Variants in ADGRL3 observed in about 807,000 individuals in gnomAD.
The protein encoded by ADGRL3 is adhesion G protein-coupled receptor L3, also known as calcium-independent alpha-latrotoxin receptor 3.
ADGRL3 carries 62 observed loss-of-function variants against 153.5 expected under a neutral mutation model. The observed-to-expected ratio is 0.40, with a 90% CI of 0.33 to 0.50. The LOEUF is 0.50. Ranked by LOEUF, ADGRL3 falls within the 20% of genes least tolerant of loss-of-function variation. ADGRL3 has a pLI of 0.47. For synonymous variants in ADGRL3, 710 were observed against 672.5 expected, an observed-to-expected ratio of 1.06 and a Z score of -0.86; for missense variants, 1,641 against 1,859.4, an observed-to-expected ratio of 0.88 and a Z score of 2.16.
chr4:62,031,168 A>G (rs1039585421), intron 22 of ADGRL3, among the ~76,000 whole-genome samples: 1 of 151,634 alleles, frequency 6.6e-6, no homozygotes, highest in Non-Finnish European at 1.5e-5. Flanking sequence ...CCATTTGCAT[A>G]TGTGCTGCAA....
intron 8 of ADGRL3, among the ~76,000 whole-genome samples, chr4:61,806,332 T>C (rs1276150914): frequency 6.6e-6 from 1 of 152,028 alleles, no homozygotes; most frequent in Non-Finnish European, 1.5e-5. Context: ...AATTCTAGAA[T>C]AATTAGTGGG....
intron 6 of ADGRL3, among the ~76,000 whole-genome samples, chr4:61,709,053 C>G (rs2095910876): frequency 6.6e-6 from 1 of 152,034 alleles, no homozygotes; most frequent in South Asian, 2.1e-4. Context: ...AGGTGATCTG[C>G]CCGTCTCAGC....
At chr4:61,318,704 T>C (rs1010122120) in intron 1 of ADGRL3, among the ~76,000 whole-genome samples, 1 of 152,152 alleles carries the variant, frequency 6.6e-6, no homozygotes, top group Non-Finnish European at 1.5e-5. Flanking sequence ...GGGTAATGGC[T>C]CTGCACCACC....
chr4:61,356,574 T>C (rs1223969598), intron 1 of ADGRL3, among the ~76,000 whole-genome samples: 1 of 152,124 alleles, frequency 6.6e-6, no homozygotes, highest in Non-Finnish European at 1.5e-5. Context: ...CACTTTGTAA[T>C]ACTGCAGTGA....
At chr4:61,494,945 C>T (rs1250099777) in intron 2 of ADGRL3, among the ~76,000 whole-genome samples, 1 of 152,080 alleles carries the variant, frequency 6.6e-6, no homozygotes, top group Non-Finnish European at 1.5e-5. Flanking sequence ...GCTATAGCAC[C>T]TACCACATGC....
intron 1 of ADGRL3, among the ~76,000 whole-genome samples, chr4:61,232,191 TA>T (rs1750936333): frequency 1.3e-5 from 2 of 152,272 alleles, no homozygotes; most frequent in East Asian, 1.9e-4. Context: ...TTTAAGCTTA[TA>T]TTTTTTTATT....
At chr4:61,593,595 TTAAA>T (rs2098977957) in intron 5 of ADGRL3, among the ~76,000 whole-genome samples, 1 of 152,112 alleles carries the variant, frequency 6.6e-6, no homozygotes, top group Non-Finnish European at 1.5e-5. Flanking sequence ...TTTCAGCACT[TTAAA>T]TATGTCATGC....
intron 24 of ADGRL3, among the ~76,000 whole-genome samples, chr4:62,040,741 C>A (rs1270009575): frequency 6.6e-6 from 1 of 152,028 alleles, no homozygotes; most frequent in East Asian, 1.9e-4. Context: ...TAATAACAAA[C>A]AACCCAACAA....
chr4:61,996,332 T>C lies in ADGRL3; in HGVS notation c.3278T>C (p.Ile1093Thr), dbSNP rs1159803878. Reference protein sequence around the residue: ...RLDTYFIWSFIGPATLIIMLN... With the variant: ...RLDTYFIWSFTGPATLIIMLN... ...GACACCTACTTCATTTGGAGTTTTATAGGACCAGCAACTTTGATAATTATG... is the reference window on the plus strand; with the variant it reads ...GACACCTACTTCATTTGGAGTTTTACAGGACCAGCAACTTTGATAATTATG... Residue 1093 changes from isoleucine to threonine, a missense_variant, in exon 20 of 27, where the codon ATA (isoleucine) becomes ACA (threonine). Ile to Thr is a moderately conservative substitution (Grantham distance 89). Transcript: ENST00000683033. 1.2e-6 allele frequency: 2 copies of C among 1,612,628 alleles called. No individual in the cohort carries two copies. Among genetic ancestry groups the C allele is most frequent in the South Asian group, 1.1e-5 (1 of 91,028 alleles).
chr4:61,300,003 C>T (rs2150329116), intron 1 of ADGRL3, among the ~76,000 whole-genome samples: 1 of 152,172 alleles, frequency 6.6e-6, no homozygotes, highest in East Asian at 1.9e-4. Context: ...CTGTATGTTG[C>T]AGAGTGGGCT....
intron 5 of ADGRL3, among the ~76,000 whole-genome samples, chr4:61,662,203 C>G (rs1394348666): frequency 1.3e-5 from 2 of 152,208 alleles, no homozygotes; most frequent in African/African-American, 2.4e-5. Context: ...AGCCATGGCT[C>G]TAGACCCAAG....
At chr4:61,585,650 T>G (rs1409998331) in intron 4 of ADGRL3, among the ~76,000 whole-genome samples, 1 of 152,054 alleles carries the variant, frequency 6.6e-6, no homozygotes, top group Non-Finnish European at 1.5e-5. Flanking sequence ...TCAACTTATT[T>G]GACAGTTAGT....
chr4:61,603,822 T>A (rs1049974764), intron 5 of ADGRL3, among the ~76,000 whole-genome samples: 1 of 152,080 alleles, frequency 6.6e-6, no homozygotes, highest in African/African-American at 2.4e-5. Flanking sequence ...AATCTCAGAA[T>A]CTTTGAGGTT....
intron 17 of ADGRL3, among the ~76,000 whole-genome samples, chr4:61,969,697 T>C (rs1338155503): frequency 6.6e-6 from 1 of 152,096 alleles, no homozygotes; most frequent in Non-Finnish European, 1.5e-5. Flanking sequence ...TCACAATGCA[T>C]GTGGGTTAAA....
intron 2 of ADGRL3, among the ~76,000 whole-genome samples, chr4:61,412,756 G>T (rs369125101): frequency 3.9e-4 from 59 of 152,094 alleles, no homozygotes; most frequent in African/African-American, 1.4e-3. Context: ...GTATTTTCCT[G>T]TTCTAGATTT....
At chr4:61,992,273 CT>C (rs1196160665) in intron 19 of ADGRL3, among the ~76,000 whole-genome samples, 1 of 152,130 alleles carries the variant, frequency 6.6e-6, no homozygotes, top group African/African-American at 2.4e-5. Flanking sequence ...TTTGTCTCAC[CT>C]TAACCAGTGT....
At chr4:61,857,339 A>G (rs2098286559) in intron 9 of ADGRL3, among the ~76,000 whole-genome samples, 2 of 152,092 alleles carry the variant, frequency 1.3e-5, no homozygotes, top group Admixed American at 1.3e-4. Flanking sequence ...TGGGCTTTGT[A>G]CATTAGGCTA....
chr4:61,976,922 T>G (rs1415983647), intron 17 of ADGRL3, among the ~76,000 whole-genome samples: 1 of 152,200 alleles, frequency 6.6e-6, no homozygotes, highest in East Asian at 1.9e-4. Flanking sequence ...TTGAGTTGTA[T>G]TTGATGAGTG....
At position 61,372,975 on chromosome 4, in the gene ADGRL3, G is replaced by A. The variant is rs190034703; in HGVS notation, c.-239-10149G>A. Among the ~76,000 whole-genome samples, 1,043 of 152,304 alleles carry A rather than the reference G, an allele frequency of 6.8e-3. 19 individuals are homozygous for A. Among genetic ancestry groups the A allele is most frequent in the African/African-American group, 0.024 (985 of 41,572 alleles). On this transcript the variant is annotated intron_variant, in intron 1 of 26. Coordinates refer to ENST00000683033, the MANE Select transcript of ADGRL3 (RefSeq NM_001387552.1). ...GTCGGAAAAGCGCAGTATTCGGGTG[G>A]GAGTGACCCGATTCTCCAGGTGCGG...
Sources: gnomAD v4.1 joint callset for allele counts (sites outside exome capture counted in the v4.1 genomes callset) on GRCh38, gnomAD v4.1.1 for gene constraint, MANE v1.5 for transcripts, NCBI Gene and HGNC (gene_info 2026-07-23, HGNC 2026-07-21) for gene names.